FHOD3: variants seen among roughly 807,000 people sequenced by gnomAD.
The protein encoded by FHOD3 is FH1/FH2 domain-containing protein 3.
Under a neutral mutation model 173.0 loss-of-function variants are expected in FHOD3, and 90 were observed. That is an observed-to-expected ratio of 0.52 (90% confidence interval 0.44 to 0.62). The LOEUF is 0.62. Ranked by LOEUF, FHOD3 falls within the 20% of genes least tolerant of loss-of-function variation. The probability of loss-of-function intolerance (pLI) is 0.00; values close to 1 mark genes in which losing one functional copy is unlikely to be tolerated. For missense variants in FHOD3, 1,945 were observed against 2,034.7 expected (o/e 0.96, Z 0.85); for synonymous variants, 828 against 823.0 (o/e 1.01, Z -0.10).
intron 19 of FHOD3, among the ~76,000 whole-genome samples, chr18:36,721,493 G>T (rs1352808947): frequency 6.6e-6 from 1 of 151,958 alleles, no homozygotes; most frequent in Non-Finnish European, 1.5e-5. Flanking sequence ...GTACACACAC[G>T]CACACAGCCA....
chr18:36,399,263 C>T (rs1261149500), intron 3 of FHOD3, among the ~76,000 whole-genome samples: 1 of 152,106 alleles, frequency 6.6e-6, no homozygotes, highest in Non-Finnish European at 1.5e-5. Flanking sequence ...TCGTTTGTCC[C>T]AAGGAGGGCA....
rs1166176403 is a variant in FHOD3, at chr18:36,740,700, C to T, written c.3621C>T (p.Ile1207=). Residue 1207 remains isoleucine, a synonymous_variant, in exon 21 of 29, where the codon ATC becomes ATT. Coordinates refer to ENST00000590592, the MANE Select transcript of FHOD3 (RefSeq NM_001281740.3). ...CCACCGATGAGGAGAAGCAGAAAAT[C>T]CAGGAAGCTCAGCTGGCCAACCCTG... ...MIPTDEEKQK[I]QEAQLANPEI... The T allele has an allele frequency of 6.2e-7, 1 of 1,613,988 alleles. No individual in the cohort carries two copies. The highest frequency in any genetic ancestry group is 1.7e-5 in the Admixed American group (1 of 60,010).
intron 5 of FHOD3, among the ~76,000 whole-genome samples, chr18:36,524,177 G>A (rs1459371057): frequency 6.6e-6 from 1 of 151,810 alleles, no homozygotes; most frequent in African/African-American, 2.4e-5. Flanking sequence ...AGTTTCTCAG[G>A]AGGCTGAGGC....
chr18:36,422,276 T>G (rs1340483738), intron 3 of FHOD3, among the ~76,000 whole-genome samples: 2 of 152,164 alleles, frequency 1.3e-5, no homozygotes, highest in African/African-American at 4.8e-5. Flanking sequence ...TTTCATTTAC[T>G]ATTTCTTGGG....
chr18:36,680,087 T>G (rs1410698828), intron 14 of FHOD3, among the ~76,000 whole-genome samples: 1 of 152,200 alleles, frequency 6.6e-6, no homozygotes, highest in African/African-American at 2.4e-5. Flanking sequence ...ATGAGGAAGA[T>G]AAATAAACTC....
chr18:36,745,466 C>T (rs1277700213), intron 23 of FHOD3, among the ~76,000 whole-genome samples: 1 of 152,170 alleles, frequency 6.6e-6, no homozygotes, highest in East Asian at 1.9e-4. Flanking sequence ...TGCCTCCCTG[C>T]CTCACACCAG....
chr18:36,492,759 C>T (rs1021626598), intron 3 of FHOD3, among the ~76,000 whole-genome samples: 1 of 152,304 alleles, frequency 6.6e-6, no homozygotes, highest in African/African-American at 2.4e-5. Context: ...GGGGGTACCT[C>T]AAGCCTCCAC....
intron 3 of FHOD3, among the ~76,000 whole-genome samples, chr18:36,452,808 G>GTGTGTA (rs2051938261): frequency 6.6e-6 from 1 of 151,872 alleles, no homozygotes; most frequent in Non-Finnish European, 1.5e-5. Context: ...AATTCATTGT[G>GTGTGTA]TGTGTATGTG....
At chr18:36,514,071 C>G (rs1483173013) in intron 5 of FHOD3, among the ~76,000 whole-genome samples, 5 of 132,172 alleles carry the variant, frequency 3.8e-5, no homozygotes, top group Non-Finnish European at 7.7e-5. Context: ...TGCAGTGGCG[C>G]GATCTCGGCT....
intron 5 of FHOD3, among the ~76,000 whole-genome samples, chr18:36,554,565 A>G (rs1361017192): frequency 6.6e-6 from 1 of 152,184 alleles, no homozygotes; most frequent in Non-Finnish European, 1.5e-5. Context: ...GCACACCACC[A>G]TGGCACATGT....
intron 5 of FHOD3, among the ~76,000 whole-genome samples, chr18:36,556,831 C>A (rs907042643): frequency 3.9e-5 from 6 of 152,038 alleles, no homozygotes. Flanking sequence ...TTGCATATGC[C>A]CAAAGGATTT....
intron 17 of FHOD3, among the ~76,000 whole-genome samples, chr18:36,694,645 G>T (rs549559482): frequency 2.4e-4 from 37 of 152,322 alleles, no homozygotes; most frequent in Admixed American, 2.3e-3. Context: ...ATATCCTCCT[G>T]CAGAGTTGTG....
intron 11 of FHOD3, among the ~76,000 whole-genome samples, chr18:36,651,048 G>A (rs768183188): frequency 2.4e-4 from 37 of 152,172 alleles, no homozygotes; most frequent in Admixed American, 2.6e-4. Flanking sequence ...GTTCTCTGGC[G>A]TAAACTTCTG....
intron 3 of FHOD3, among the ~76,000 whole-genome samples, chr18:36,405,296 T>C (rs2049005003): frequency 6.6e-6 from 1 of 152,232 alleles, no homozygotes. Flanking sequence ...GGTTATTAAA[T>C]GGAAATGTTG....
chr18:36,565,701 ATATCT>A (rs553684484), intron 5 of FHOD3, among the ~76,000 whole-genome samples: 1 of 152,194 alleles, frequency 6.6e-6, no homozygotes, highest in South Asian at 2.1e-4. Flanking sequence ...AAATGGCAAA[ATATCT>A]TATTGAATGG....
intron 9 of FHOD3, among the ~76,000 whole-genome samples, chr18:36,613,240 A>G (rs2032872130): frequency 6.6e-6 from 1 of 152,230 alleles, no homozygotes; most frequent in Non-Finnish European, 1.5e-5. Context: ...AATGGCAGAC[A>G]TGCATGTTGT....
At chr18:36,572,644 G>A (rs2058493213) in intron 5 of FHOD3, among the ~76,000 whole-genome samples, 2 of 152,202 alleles carry the variant, frequency 1.3e-5, no homozygotes, top group African/African-American at 4.8e-5. Context: ...GATCAAGTCA[G>A]CTTTTAAACC....
chr18:36,508,146 A>G (rs1305642511), intron 4 of FHOD3, among the ~76,000 whole-genome samples: 3 of 152,156 alleles, frequency 2.0e-5, no homozygotes, highest in Non-Finnish European at 4.4e-5. Context: ...TGTGTGCGAG[A>G]GATTCTAATT....
At chr18:36,497,850 A>G (rs1050244232) in intron 3 of FHOD3, among the ~76,000 whole-genome samples, 9 of 152,256 alleles carry the variant, frequency 5.9e-5, no homozygotes, top group African/African-American at 1.2e-4. Context: ...CTATTACTCA[A>G]TTTGATATAG....
Sources: gnomAD v4.1 joint callset for allele counts (sites outside exome capture counted in the v4.1 genomes callset) on GRCh38, gnomAD v4.1.1 for gene constraint, MANE v1.5 for transcripts, NCBI Gene and HGNC (gene_info 2026-07-23, HGNC 2026-07-21) for gene names.